The following PIM3 variants were observed in gnomAD, a reference collection of about 807,000 sequenced individuals.
The protein encoded by PIM3 is Pim-3 proto-oncogene, serine/threonine kinase, also known as serine/threonine-protein kinase pim-3.
Under a neutral mutation model 27.5 loss-of-function variants are expected in PIM3, and 13 were observed. That is an observed-to-expected ratio of 0.47 (90% CI 0.31 to 0.75). PIM3 has a LOEUF of 0.75. PIM3 is among the 30% of genes least tolerant of loss of function. The pLI, the probability that PIM3 is intolerant of heterozygous loss-of-function variation, is 0.05. For missense variants in PIM3, 482 were observed against 476.9 expected (o/e 1.01, Z -0.10); for synonymous variants, 341 against 221.1 (o/e 1.54, Z -4.81).
chr22:49,963,066 G>A lies in PIM3; in HGVS notation c.920G>A (p.Arg307Gln), dbSNP rs1250791775. The A allele has an allele frequency of 5.6e-6, 9 of 1,611,878 alleles. No individual in the cohort carries two copies. Among genetic ancestry groups the A allele is most frequent in the Non-Finnish European group, 7.6e-6 (9 of 1,179,604 alleles). Reference protein sequence around the residue: ...DGGVPESCDLRLCTLDPDDVA... With the variant: ...DGGVPESCDLQLCTLDPDDVA... ...GGCGTCCCGGAGAGCTGTGACCTGC[G>A]GCTGTGCACCCTCGACCCTGATGAC... Residue 307 changes from arginine to glutamine, a missense_variant, in exon 6 of 6, where the codon CGG becomes CAG. Transcript: ENST00000360612.
Position 49,961,905 on chromosome 22 carries a change from G to A in PIM3, c.616+94G>A, listed in dbSNP as rs1255966633. The A allele has an allele frequency of 3.9e-6, 6 of 1,530,050 alleles. No homozygotes were observed. In the African/African-American group the frequency reaches 8.3e-5, roughly 21 times the overall value. The allele number at this position is 1,530,050 out of a possible 1,614,324, so 94.8% of individuals were successfully genotyped here. A position where few individuals can be genotyped will look rare whatever the true frequency, so the allele number is the denominator to read the frequency against. On this transcript the variant is annotated intron_variant, in intron 4 of 5. Transcript: ENST00000360612. ...CACATGGAGGGGCTGATGACTGTTG[G>A]GCGGCCGCGCGCCCTGGGTCTGCTC...
Position 49,962,990 on chromosome 22 carries a change from CCGT to C in PIM3, c.847_849del (p.Ser283del). 6.2e-7 allele frequency: 1 copy of C among 1,610,964 alleles called. No homozygotes were observed. The highest frequency in any genetic ancestry group is 8.5e-7 in the Non-Finnish European group (1 of 1,179,758). The stretch of plus-strand genomic sequence containing the variant: ...CCTGTCCCTGCGGCCCTCAGAGCGG[CCGT>C]CGCTGGATCAGATTGCGGCCCATCC... On this transcript the variant is annotated inframe_deletion, in exon 6 of 6. Transcript: ENST00000360612.
In PIM3 at chr22:49,961,832, G is replaced by C. The variant is rs527722627; in HGVS notation, c.616+21G>C. On this transcript the variant is annotated intron_variant, in intron 4 of 5. Transcript: ENST00000360612. Reference sequence around the variant, plus strand: ...CGACGGTGAGCGCGGGCGCGGGGCAGGGAACGTTCCGGGGGCCTTGCCGGC... The same window carrying C: ...CGACGGTGAGCGCGGGCGCGGGGCACGGAACGTTCCGGGGGCCTTGCCGGC... 27 of 1,610,226 alleles carry C rather than the reference G, an allele frequency of 1.7e-5. No homozygotes were observed. In the East Asian group the frequency reaches 6.0e-4, roughly 36 times the overall value.
In PIM3 at chr22:49,960,910, G is replaced by T. The variant is rs150609497; in HGVS notation, c.-38G>T. 63,866 of 1,219,866 alleles carry T rather than the reference G, an allele frequency of 0.052. 1,919 individuals carry two copies. The highest frequency in any genetic ancestry group is 0.058 in the Non-Finnish European group (56,590 of 976,768). 75.6% of individuals were successfully genotyped at this position (1,219,866 alleles called of 1,614,324 possible). ...CGCCCGGATCGGCCGCGGCTTCGGC[G>T]CCTGGGGCTCGGGGCTCCGGGGAGG... On this transcript the variant is annotated 5_prime_UTR_variant, in exon 1 of 6. Transcript: ENST00000360612.
intron 4 of PIM3, 89 bp from the exon 5 acceptor site, chr22:49,962,600 G>A (rs2060914353): frequency 1.4e-6 from 2 of 1,395,402 alleles, no homozygotes; most frequent in African/African-American, 2.9e-5. Flanking sequence ...TCCTGTTACT[G>A]AGGCCAGGGA....
chr22:49,961,095 C>A (rs887446304), intron 1 of PIM3, 30 bp from the exon 2 acceptor site: 68 of 1,426,220 alleles, frequency 4.8e-5, no homozygotes, highest in Non-Finnish European at 6.3e-5. Flanking sequence ...CGCCCCGGGC[C>A]GCACCAACCC....
At position 49,961,205 on chromosome 22, in the gene PIM3, G is replaced by A. The variant is rs1266482555; in HGVS notation, c.166G>A (p.Ala56Thr). Residue 56 changes from alanine (A) to threonine (T), a missense_variant, in exon 2 of 6, where the codon GCG becomes ACG. Physicochemically the swap from Ala to Thr is moderately conservative, Grantham distance 58 (BLOSUM62 0). Transcript: ENST00000360612. ...TAGCGGCGGCTTCGGCACGGTCTAC[G>A]CGGGTAGCCGCATCGCCGACGGGCT... ...LGSGGFGTVY[A>T]GSRIADGLPV... The A allele has an allele frequency of 1.3e-6, 2 of 1,531,384 alleles. No individual in the cohort carries two copies. Among genetic ancestry groups the A allele is most frequent in the Non-Finnish European group, 1.7e-6 (2 of 1,143,072 alleles). The allele number at this position is 1,531,384 out of a possible 1,614,324, so 94.9% of individuals were successfully genotyped here. A position where few individuals can be genotyped will look rare whatever the true frequency, so the allele number is the denominator to read the frequency against.
Position 49,963,221 on chromosome 22 carries a change from C to T in PIM3, c.*94C>T, listed in dbSNP as rs1021136924. 6.5e-5 allele frequency: 88 copies of T among 1,363,074 alleles called. No individual in the cohort carries two copies. In the East Asian group the frequency reaches 7.0e-4, roughly 11 times the overall value. The allele number at this position is 1,363,074 out of a possible 1,614,324, so 84.4% of individuals were successfully genotyped here. A position where few individuals can be genotyped will look rare whatever the true frequency, so the allele number is the denominator to read the frequency against. On this transcript the variant is annotated 3_prime_UTR_variant, in exon 6 of 6. Coordinates refer to ENST00000360612, the MANE Select transcript of PIM3 (RefSeq NM_001001852.4). ...GACTTTCTCCTGCGTGGGCCGTCTC[C>T]TCCTGCGGAAGCAGTGACCTCTGAC... is the stretch of plus-strand genomic sequence containing the variant.
chr22:49,962,193 C>A (rs1423773789), intron 4 of PIM3, among the ~76,000 whole-genome samples: 1 of 151,916 alleles, frequency 6.6e-6, no homozygotes, highest in Admixed American at 6.5e-5. Flanking sequence ...AGCCTGGAGG[C>A]CCCCGCGGCG....
At position 49,961,048 on chromosome 22, in the gene PIM3, GCGGGGC is replaced by G. The variant is rs563630127; in HGVS notation, c.85+30_85+35del. The G allele has an allele frequency of 8.3e-5, 112 of 1,350,016 alleles. No individual in the cohort carries two copies. The East Asian group carries it at 2.2e-3, about 26-fold the overall frequency. 83.6% of individuals were successfully genotyped at this position (1,350,016 alleles called of 1,614,324 possible). On this transcript the variant is annotated intron_variant, in intron 1 of 5. Transcript: ENST00000360612. ...CTGCAGCCAGGTACGCGCGGGGCCG[GCGGGGC>G]CGGGGCCGGGGCCAGGGCGGGGACC...
rs2146707066 is a variant in PIM3, at chr22:49,963,165, C to T, written c.*38C>T. The T allele has an allele frequency of 6.6e-7, 1 of 1,518,030 alleles. No individual in the cohort carries two copies. The highest frequency in any genetic ancestry group is 8.9e-7 in the Non-Finnish European group (1 of 1,128,652). 94.0% of individuals were successfully genotyped at this position (1,518,030 alleles called of 1,614,324 possible). The stretch of plus-strand genomic sequence containing the variant: ...GACTGGGAGCTAGGGGACCACCTGC[C>T]TTGGCCAGACCTGGGACGCCCCCAG... On this transcript the variant is annotated 3_prime_UTR_variant, in exon 6 of 6. Transcript: ENST00000360612.
At chr22:49,962,624 G>A in intron 4 of PIM3, 65 bp from the exon 5 acceptor site, 3 of 1,521,712 alleles carry the variant, frequency 2.0e-6, no homozygotes, top group Non-Finnish European at 2.7e-6. Flanking sequence ...AACCAGCAGG[G>A]ACCTCGCCGT....
Position 49,961,779 on chromosome 22 carries a change from T to C in PIM3, c.584T>C (p.Leu195Pro). The C allele has an allele frequency of 1.2e-6, 2 of 1,611,496 alleles. No homozygotes were observed. Among genetic ancestry groups the C allele is most frequent in the Non-Finnish European group, 1.7e-6 (2 of 1,179,364 alleles). ...LKLIDFGSGA[L>P]LKDTVYTDFD... ...CTCATCGACTTCGGTTCGGGTGCGCTGCTCAAGGACACGGTCTACACCGAC... is the reference window on the plus strand; with the variant it reads ...CTCATCGACTTCGGTTCGGGTGCGCCGCTCAAGGACACGGTCTACACCGAC... The change falls in exon 4 of 6, where the codon CTG becomes CCG. Residue 195 changes from leucine to proline, a missense_variant. Leu to Pro is a moderately conservative substitution (Grantham distance 98, BLOSUM62 -3). Transcript: ENST00000360612.
rs759021352 is a variant in PIM3 at position 49,963,257 on chromosome 22, C to T, written c.*130C>T. The T allele has an allele frequency of 6.3e-6, 7 of 1,105,756 alleles. No individual in the cohort carries two copies. The highest frequency in any genetic ancestry group is 8.7e-6 in the Non-Finnish European group (7 of 803,964). The allele number at this position is 1,105,756 out of a possible 1,614,324, so 68.5% of individuals were successfully genotyped here. A position where few individuals can be genotyped will look rare whatever the true frequency, so the allele number is the denominator to read the frequency against. ...GCAGTGACCTCTGACCCCTGGTGAC[C>T]TTCGCTTTGAGTGCCTTTTGAACGC... On this transcript the variant is annotated 3_prime_UTR_variant, in exon 6 of 6. Coordinates refer to ENST00000360612, the MANE Select transcript of PIM3 (RefSeq NM_001001852.4).
In PIM3 at chr22:49,960,959, C is replaced by T. The variant is rs1229985912; in HGVS notation, c.12C>T (p.Ser4=). MLL[S]KFGSLAHLCG... ...GGCCGTCGCCCGCGATGCTGCTCTC[C>T]AAGTTCGGCTCCCTGGCGCACCTCT... Residue 4 remains serine, a synonymous_variant, in exon 1 of 6, where the codon TCC becomes TCT. Coordinates refer to ENST00000360612, the MANE Select transcript of PIM3 (RefSeq NM_001001852.4). The T allele has an allele frequency of 1.5e-6, 2 of 1,374,126 alleles. No individual in the cohort carries two copies. Among genetic ancestry groups the T allele is most frequent in the Non-Finnish European group, 1.9e-6 (2 of 1,054,478 alleles). 85.1% of individuals were successfully genotyped at this position (1,374,126 alleles called of 1,614,324 possible). A position where few individuals can be genotyped will look rare whatever the true frequency, so the allele number is the denominator to read the frequency against.
chr22:49,962,554 G>A (rs976575184), intron 4 of PIM3, 135 bp from the exon 5 acceptor site: 75 of 1,059,590 alleles, frequency 7.1e-5, no homozygotes, highest in Non-Finnish European at 9.5e-5. Context: ...TTTTTCCAGG[G>A]TGATGACGAG....
At chr22:49,962,138 C>T (rs1027853448) in intron 4 of PIM3, among the ~76,000 whole-genome samples, 5 of 152,062 alleles carry the variant, frequency 3.3e-5, no homozygotes, top group Non-Finnish European at 5.9e-5. Context: ...GCGGAGGAGT[C>T]TCCGTGCGTG....
Position 49,961,215 on chromosome 22 carries a change from G to A in PIM3, c.176G>A (p.Arg59His). 1.3e-6 allele frequency: 2 copies of A among 1,530,072 alleles called. No individual in the cohort carries two copies. The highest frequency in any genetic ancestry group is 1.8e-6 in the Non-Finnish European group (2 of 1,142,424). The allele number at this position is 1,530,072 out of a possible 1,614,324, so 94.8% of individuals were successfully genotyped here. The change falls in exon 2 of 6, where the codon CGC (arginine) becomes CAC (histidine). Residue 59 changes from arginine (R) to histidine (H), a missense_variant. Coordinates refer to ENST00000360612, the MANE Select transcript of PIM3 (RefSeq NM_001001852.4). Reference protein sequence around the residue: ...GGFGTVYAGSRIADGLPVAVK... With the variant: ...GGFGTVYAGSHIADGLPVAVK... ...TTCGGCACGGTCTACGCGGGTAGCCGCATCGCCGACGGGCTCCCGGTGAGT... is the reference window on the plus strand; with the variant it reads ...TTCGGCACGGTCTACGCGGGTAGCCACATCGCCGACGGGCTCCCGGTGAGT...
In PIM3 at chr22:49,963,685, C is replaced by T. The variant is rs2060921810; in HGVS notation, c.*558C>T. ...CTGAGCAGTCTGCCTCTCCCAAGCC[C>T]CAGGGGACAGTGGGGAGGCAGGGGA... is the stretch of plus-strand genomic sequence containing the variant. On this transcript the variant is annotated 3_prime_UTR_variant, in exon 6 of 6. Coordinates refer to ENST00000360612, the MANE Select transcript of PIM3 (RefSeq NM_001001852.4). The T allele has an allele frequency of 6.6e-6, 1 of 152,582 alleles. No homozygotes were observed. Among genetic ancestry groups the T allele is most frequent in the African/African-American group, 2.4e-5 (1 of 41,448 alleles). 9.5% of individuals were successfully genotyped at this position (152,582 alleles called of 1,614,324 possible).
Sources: allele counts gnomAD v4.1 joint callset (sites outside exome capture counted in the v4.1 genomes callset), GRCh38; gene constraint gnomAD v4.1.1; transcripts MANE v1.5; gene names NCBI Gene and HGNC (gene_info 2026-07-23, HGNC 2026-07-21).